TEC: variants seen among roughly 807,000 people sequenced by gnomAD.
TEC encodes the protein tyrosine-protein kinase Tec.
In TEC, 72 loss-of-function variants were observed where a neutral mutation model predicts 93.0. That is an observed-to-expected ratio of 0.77 (90% CI 0.64 to 0.94). TEC has a LOEUF of 0.94. Ranked by LOEUF, TEC falls within the 40% of genes least tolerant of loss-of-function variation. The pLI is 0.00. For synonymous variants in TEC, 249 were observed against 247.7 expected, an observed-to-expected ratio of 1.01 and a Z score of -0.05; for missense variants, 630 against 757.9, an observed-to-expected ratio of 0.83 and a Z score of 1.98.
intron 2 of TEC, among the ~76,000 whole-genome samples, chr4:48,176,694 G>A (rs1234203008): frequency 6.6e-6 from 1 of 152,154 alleles, no homozygotes; most frequent in African/African-American, 2.4e-5. Context: ...TGTACCTCAG[G>A]CCTGGGTGAC....
intron 1 of TEC, among the ~76,000 whole-genome samples, chr4:48,232,124 A>G (rs1454501488): frequency 1.3e-5 from 2 of 151,854 alleles, no homozygotes; most frequent in African/African-American, 4.8e-5. Flanking sequence ...CTCCATCTCT[A>G]TTAAAAATAC....
At chr4:48,228,758 G>A in intron 1 of TEC, 99 bp from the exon 2 acceptor site, 1 of 1,018,854 alleles carries the variant, frequency 9.8e-7, no homozygotes, top group Non-Finnish European at 1.4e-6. Context: ...CACCCCTGCT[G>A]GAGCAGATGA....
At chr4:48,181,055 G>A (rs537468365) in intron 2 of TEC, among the ~76,000 whole-genome samples, 9 of 152,216 alleles carry the variant, frequency 5.9e-5, no homozygotes, top group African/African-American at 1.4e-4. Flanking sequence ...GGGGGCTAAC[G>A]GATTTTGAGT....
chr4:48,173,179 C>T (rs1721184255), intron 3 of TEC, among the ~76,000 whole-genome samples: 1 of 152,024 alleles, frequency 6.6e-6, no homozygotes, highest in South Asian at 2.1e-4. Flanking sequence ...TGACTATTCC[C>T]CTCCTGGAAT....
intron 14 of TEC, among the ~76,000 whole-genome samples, chr4:48,144,051 C>T (rs1719797065): frequency 6.6e-6 from 1 of 151,860 alleles, no homozygotes; most frequent in African/African-American, 2.4e-5. Context: ...ACGGTGAAAC[C>T]CCATCTCTAC....
At chr4:48,196,888 G>A (rs767779516) in intron 2 of TEC, among the ~76,000 whole-genome samples, 12 of 151,944 alleles carry the variant, frequency 7.9e-5, no homozygotes, top group Non-Finnish European at 1.3e-4. Flanking sequence ...TTTACCCTTC[G>A]AGGCTGTTAT....
At position 48,156,695 on chromosome 4, in the gene TEC, T is replaced by C. The variant is rs935974878; in HGVS notation, c.777A>G (p.Gln259=). Residue 259 remains glutamine (Q), a synonymous_variant, in exon 9 of 18, where the codon CAA becomes CAG. Transcript: ENST00000381501. The part of the protein sequence containing the change: ...CRNMNRSKAE[Q]LLRSEDKEGG... ...AAACACTTACTTCACTGCGGAGGAG[T>C]TGCTCTGCCTTGCTTCTATTCATAT... 6.2e-7 allele frequency: 1 copy of C among 1,611,636 alleles called. No homozygotes were observed.
chr4:48,186,632 TGGGAA>T, intron 2 of TEC, among the ~76,000 whole-genome samples: 1 of 151,276 alleles, frequency 6.6e-6, no homozygotes. Context: ...CCGCCCCGTC[TGGGAA>T]GTGAGGAGCC....
chr4:48,150,905 T>A lies in TEC; in HGVS notation c.830A>T (p.Gln277Leu). The A allele has an allele frequency of 6.3e-7, 1 of 1,589,510 alleles. No homozygotes were observed. Among genetic ancestry groups the A allele is most frequent in the Non-Finnish European group, 8.6e-7 (1 of 1,169,174 alleles). The stretch of plus-strand genomic sequence containing the variant: ...AAGGGAGACTGTGTACAAGCCTGGT[T>A]GACTGGAATCCCTTACCATAAAACC... ...EGGFMVRDSS[Q>L]PGLYTVSLYT... Residue 277 changes from glutamine (Q) to leucine (L), a missense_variant, in exon 10 of 18, where the codon CAA becomes CTA. Coordinates refer to ENST00000381501, the MANE Select transcript of TEC (RefSeq NM_003215.3).
At chr4:48,233,000 G>A (rs1430485140) in intron 1 of TEC, among the ~76,000 whole-genome samples, 3 of 152,186 alleles carry the variant, frequency 2.0e-5, no homozygotes, top group Non-Finnish European at 2.9e-5. Context: ...AGATCTAGGT[G>A]ACTAACCCTC....
intron 1 of TEC, among the ~76,000 whole-genome samples, chr4:48,264,788 C>A (rs1724588872): frequency 6.6e-6 from 1 of 152,168 alleles, no homozygotes; most frequent in Admixed American, 6.5e-5. Flanking sequence ...AGGCACACGC[C>A]ACCACGCCTG....
intron 7 of TEC, among the ~76,000 whole-genome samples, chr4:48,166,939 G>A (rs1237847041): frequency 2.0e-5 from 3 of 151,706 alleles, no homozygotes; most frequent in Non-Finnish European, 4.4e-5. Flanking sequence ...CTTGAAATTG[G>A]GGCTGGGGCT....
intron 1 of TEC, among the ~76,000 whole-genome samples, chr4:48,230,143 T>C (rs564822198): frequency 4.6e-5 from 7 of 151,040 alleles, no homozygotes; most frequent in African/African-American, 1.7e-4. Context: ...GCAAGAAGAG[T>C]CACATGAACA....
At chr4:48,169,157 C>A (rs1016579310) in intron 5 of TEC, among the ~76,000 whole-genome samples, 1 of 152,022 alleles carries the variant, frequency 6.6e-6, no homozygotes, top group African/African-American at 2.4e-5. Context: ...CATCCTTGAC[C>A]CCCTTCTTTC....
chr4:48,225,025 A>G (rs1389914203), intron 2 of TEC, among the ~76,000 whole-genome samples: 1 of 152,198 alleles, frequency 6.6e-6, no homozygotes, highest in Non-Finnish European at 1.5e-5. Flanking sequence ...TATGAACAAT[A>G]AAAATAAATA....
chr4:48,179,353 TATATATATATATATATATA>T (rs1721470295), intron 2 of TEC, among the ~76,000 whole-genome samples: 1 of 29,840 alleles, frequency 3.4e-5, no homozygotes, highest in Non-Finnish European at 6.6e-5. Flanking sequence ...TATATATATA[TATATATATATATATATATA>T]TATATTTTTT....
chr4:48,196,258 A>G (rs575686885), intron 2 of TEC, among the ~76,000 whole-genome samples: 26 of 152,336 alleles, frequency 1.7e-4, no homozygotes, highest in South Asian at 4.1e-4. Flanking sequence ...TCCCTGGGCT[A>G]AGAACCAGCA....
At chr4:48,192,881 T>G (rs953607060) in intron 2 of TEC, among the ~76,000 whole-genome samples, 2 of 152,166 alleles carry the variant, frequency 1.3e-5, no homozygotes, top group African/African-American at 4.8e-5. Flanking sequence ...TAGCCTTCTC[T>G]TTATCACCCC....
intron 17 of TEC, 88 bp from the exon 18 acceptor site, chr4:48,137,587 T>C (rs1719480585): frequency 2.8e-6 from 3 of 1,081,968 alleles, no homozygotes; most frequent in Admixed American, 1.9e-5. Flanking sequence ...CACAGCATAT[T>C]ACAGAGAGAC....
Sources: allele counts gnomAD v4.1 joint callset (sites outside exome capture counted in the v4.1 genomes callset), GRCh38; gene constraint gnomAD v4.1.1; transcripts MANE v1.5; gene names NCBI Gene and HGNC (gene_info 2026-07-23, HGNC 2026-07-21).